BPGM: variants seen among roughly 807,000 people sequenced by gnomAD.
BPGM encodes the protein 2,3-bisphosphoglycerate mutase, erythrocyte.
BPGM carries 15 observed loss-of-function variants against 21.6 expected under a neutral mutation model. The observed-to-expected ratio is 0.70, with a 90% CI of 0.47 to 1.07. The LOEUF is 1.07. Ranked by LOEUF, BPGM falls within the 50% of genes least tolerant of loss-of-function variation. BPGM has a pLI of 0.00. For missense variants in BPGM, 273 were observed against 319.0 expected (o/e 0.86, Z 1.10); for synonymous variants, 113 against 116.2 (o/e 0.97, Z 0.18).
chr7:134,668,609 G>A (rs1795854761), intron 2 of BPGM, among the ~76,000 whole-genome samples: 1 of 152,156 alleles, frequency 6.6e-6, no homozygotes, highest in Non-Finnish European at 1.5e-5. Flanking sequence ...ACTAGAACAT[G>A]GCTCTGAACT....
chr7:134,668,861 A>G (rs1461698346), intron 2 of BPGM, among the ~76,000 whole-genome samples: 2 of 146,112 alleles, frequency 1.4e-5, no homozygotes, highest in African/African-American at 5.2e-5. Flanking sequence ...TTTATGTGCC[A>G]TTTGGGAAAA....
chr7:134,648,270 G>C (rs1309726890), intron 1 of BPGM, among the ~76,000 whole-genome samples: 2 of 151,458 alleles, frequency 1.3e-5, no homozygotes, highest in Non-Finnish European at 2.9e-5. Flanking sequence ...CGAGTAGCTG[G>C]GATTACAGGC....
chr7:134,661,944 A>G lies in BPGM; in HGVS notation c.437A>G (p.Asp146Gly), dbSNP rs1326982152. 1 of 1,614,158 alleles carries G rather than the reference A, an allele frequency of 6.2e-7. No individual in the cohort carries two copies. Among genetic ancestry groups the G allele is most frequent in the Admixed American group, 1.7e-5 (1 of 60,016 alleles). ...AACGACCGGAGGTATAAAGTATGCGATGTGCCCTTGGATCAACTGCCACGG... is the reference window on the plus strand; with the variant it reads ...AACGACCGGAGGTATAAAGTATGCGGTGTGCCCTTGGATCAACTGCCACGG... ...IYNDRRYKVCDVPLDQLPRSE... is the reference protein window; with the variant it reads ...IYNDRRYKVCGVPLDQLPRSE... Residue 146 changes from aspartate (D) to glycine (G), a missense_variant, in exon 2 of 3, where the codon GAT (aspartate) becomes GGT (glycine). By Grantham distance (94) the Asp-to-Gly change is moderately conservative. Transcript: ENST00000344924. The surrounding 1 kb of genome is among the most constrained non-coding windows in gnomAD (Gnocchi z 4.6).
chr7:134,669,431 T>C (rs1356681746), intron 2 of BPGM, among the ~76,000 whole-genome samples: 1 of 152,172 alleles, frequency 6.6e-6, no homozygotes, highest in Non-Finnish European at 1.5e-5. Context: ...CTCTGCTTAT[T>C]ATCATCAATT....
intron 1 of BPGM, among the ~76,000 whole-genome samples, chr7:134,656,998 A>G (rs1795649150): frequency 6.6e-6 from 1 of 152,170 alleles, no homozygotes; most frequent in African/African-American, 2.4e-5. Context: ...CCTGTTCCAA[A>G]TGGGAGAAAT....
At chr7:134,654,797 G>A (rs552487384) in intron 1 of BPGM, among the ~76,000 whole-genome samples, 1 of 152,248 alleles carries the variant, frequency 6.6e-6, no homozygotes, top group South Asian at 2.1e-4. Flanking sequence ...CACTTAGTAA[G>A]AAGTAACTAA....
At chr7:134,654,656 A>G (rs1795610373) in intron 1 of BPGM, among the ~76,000 whole-genome samples, 1 of 152,212 alleles carries the variant, frequency 6.6e-6, no homozygotes, top group Admixed American at 6.5e-5. Flanking sequence ...GGTAGGTAAG[A>G]AAATGCAGAC....
chr7:134,659,554 T>G (rs1052233223), intron 1 of BPGM, among the ~76,000 whole-genome samples: 5 of 152,194 alleles, frequency 3.3e-5, no homozygotes, highest in African/African-American at 1.2e-4. Flanking sequence ...TCTGCCACCC[T>G]GATGCCTCTT....
At position 134,679,031 on chromosome 7, in the gene BPGM, G is replaced by A. The variant is rs1345928734; in HGVS notation, c.780G>A (p.Ter260=). 6.2e-7 allele frequency: 1 copy of A among 1,614,070 alleles called. No homozygotes were observed. Residue 260 remains the stop codon, a stop_retained_variant, in exon 3 of 3, where the codon TAG becomes TAA. Coordinates refer to ENST00000344924, the MANE Select transcript of BPGM (RefSeq NM_001724.5). ...GAAAAGTGAAACAAGCTAAAAAATA[G>A]TCTTTCTCAACTGTTGGCTAAGAAG... The part of the protein sequence containing the change: ...DQGKVKQAKK[*]
In BPGM at chr7:134,659,372, CGTGTGTGTGTGT is replaced by C. The variant is rs66893203; in HGVS notation, c.-61-2046_-61-2035del. On this transcript the variant is annotated intron_variant, in intron 1 of 2. Transcript: ENST00000344924. ...ATTAACACACTTACACACACCCCTC[CGTGTGTGTGTGT>C]GTGTGTGTGTGTGTGTGTGTGTGTG... is the stretch of plus-strand genomic sequence containing the variant. 4.5e-3 allele frequency among the ~76,000 whole-genome samples: 660 copies of C among 145,388 alleles called. 4 individuals are homozygous for C. The highest frequency in any genetic ancestry group is 6.3e-3 in the Non-Finnish European group (417 of 65,792).
chr7:134,659,371 CCG>C (rs1491169778), intron 1 of BPGM, among the ~76,000 whole-genome samples: 7 of 125,610 alleles, frequency 5.6e-5, no homozygotes, highest in Non-Finnish European at 8.3e-5. Context: ...ACACACCCCT[CCG>C]TGTGTGTGTG....
intron 2 of BPGM, among the ~76,000 whole-genome samples, chr7:134,666,498 A>G (rs1795823473): frequency 6.6e-6 from 1 of 152,224 alleles, no homozygotes; most frequent in Non-Finnish European, 1.5e-5. Context: ...CATAGCCTAG[A>G]AAACTAATGG....
intron 2 of BPGM, among the ~76,000 whole-genome samples, chr7:134,673,799 G>T (rs551192654): frequency 4.8e-4 from 73 of 152,092 alleles, no homozygotes; most frequent in African/African-American, 1.5e-3. Flanking sequence ...ACCTGACCAG[G>T]GTTTAAATCC....
Position 134,646,861 on chromosome 7 carries a change from C to G in BPGM, c.-138C>G, listed in dbSNP as rs1403387946. ...TCGATGCCGGCGGCAGTGATGAGTC[C>G]TAGGAGGCGCTGGCTCTTTGGCGGC... On this transcript the variant is annotated 5_prime_UTR_variant, in exon 1 of 3. Transcript: ENST00000344924. 1 of 183,538 alleles carries G rather than the reference C, an allele frequency of 5.4e-6. No homozygotes were observed. Among genetic ancestry groups the G allele is most frequent in the South Asian group, 8.0e-5 (1 of 12,572 alleles). 11.4% of individuals were successfully genotyped at this position (183,538 alleles called of 1,614,324 possible).
intron 1 of BPGM, among the ~76,000 whole-genome samples, chr7:134,652,694 T>G (rs1795575389): frequency 6.6e-6 from 1 of 152,182 alleles, no homozygotes; most frequent in South Asian, 2.1e-4. Context: ...TTTTCAAAAT[T>G]TTTAGCTCCC....
In BPGM at chr7:134,661,883, A is replaced by G. The variant is rs1271930879; in HGVS notation, c.376A>G (p.Ile126Val). 1.9e-6 allele frequency: 3 copies of G among 1,608,600 alleles called. No homozygotes were observed. Among genetic ancestry groups the G allele is most frequent in the Non-Finnish European group, 2.6e-6 (3 of 1,176,364 alleles). ...RRSYNVTPPP[I>V]EESHPYYQEI... Reference sequence around the variant, plus strand: ...AAGCTACAATGTAACCCCGCCTCCCATTGAGGAGTCTCATCCTTACTACCA... The same window carrying G: ...AAGCTACAATGTAACCCCGCCTCCCGTTGAGGAGTCTCATCCTTACTACCA... The change falls in exon 2 of 3, where the codon ATT (isoleucine) becomes GTT (valine). Residue 126 changes from isoleucine to valine, a missense_variant. Transcript: ENST00000344924. This position sits in a 1 kb window ranked among gnomAD's most constrained non-coding sequence, Gnocchi z 4.6.
chr7:134,674,392 T>C (rs908217686), intron 2 of BPGM, among the ~76,000 whole-genome samples: 9 of 152,156 alleles, frequency 5.9e-5, no homozygotes, highest in Non-Finnish European at 1.0e-4. Context: ...TTAGCTGTTA[T>C]CACCCCCCCA....
intron 1 of BPGM, among the ~76,000 whole-genome samples, chr7:134,650,312 A>G (rs903330892): frequency 2.0e-5 from 3 of 152,222 alleles, no homozygotes; most frequent in African/African-American, 4.8e-5. Flanking sequence ...GCAAATGCAC[A>G]TCTCATTACA....
intron 2 of BPGM, among the ~76,000 whole-genome samples, chr7:134,678,627 A>G (rs1232223788): frequency 6.6e-6 from 1 of 152,236 alleles, no homozygotes; most frequent in East Asian, 1.9e-4. Context: ...AGATTGTCCC[A>G]AAAGGTATCT....
Sources: allele counts gnomAD v4.1 joint callset (sites outside exome capture counted in the v4.1 genomes callset), GRCh38; gene constraint gnomAD v4.1.1; non-coding constraint Gnocchi (gnomAD v3.1); transcripts MANE v1.5; gene names NCBI Gene and HGNC (gene_info 2026-07-23, HGNC 2026-07-21).